The following SNAPC4 variants were observed in gnomAD, a reference collection of about 807,000 sequenced individuals.
The protein encoded by SNAPC4 is snRNA-activating protein complex subunit 4.
Under a neutral mutation model 151.3 loss-of-function variants are expected in SNAPC4, and 127 were observed. The ratio of observed to expected loss-of-function variants is 0.84; its 90% CI spans 0.73 to 0.97. The LOEUF is 0.97. SNAPC4 is among the 50% of genes least tolerant of loss of function. The pLI is 0.00. For synonymous variants in SNAPC4, 1,002 were observed against 824.4 expected, an observed-to-expected ratio of 1.22 and a Z score of -3.69; for missense variants, 2,186 against 1,935.0, an observed-to-expected ratio of 1.13 and a Z score of -2.43.
At chr9:136,389,030 G>A (rs1833982852) in intron 10 of SNAPC4, among the ~76,000 whole-genome samples, 1 of 152,174 alleles carries the variant, frequency 6.6e-6, no homozygotes, top group African/African-American at 2.4e-5. Flanking sequence ...TAAGGGGTAT[G>A]GGGTGGAGGA....
Position 136,388,562 on chromosome 9 carries a change from C to T in SNAPC4, c.1005G>A (p.Gln335=). 6.2e-7 allele frequency: 1 copy of T among 1,614,100 alleles called. No individual in the cohort carries two copies. Among genetic ancestry groups the T allele is most frequent in the Non-Finnish European group, 8.5e-7 (1 of 1,180,028 alleles). ...GAGCTTTGTTGTGCTGCTGGAATTTCTGCAGGCACTGGAAGGCGCTGCGGC... is the reference window on the plus strand; with the variant it reads ...GAGCTTTGTTGTGCTGCTGGAATTTTTGCAGGCACTGGAAGGCGCTGCGGC... ...GTSRSAFQCL[Q]KFQQHNKALK... Residue 335 remains glutamine, a synonymous_variant, in exon 11 of 24, where the codon CAG becomes CAA. Coordinates refer to ENST00000684778, the MANE Select transcript of SNAPC4 (RefSeq NM_003086.4).
Position 136,391,925 on chromosome 9 carries a change from C to T in SNAPC4, c.975+17G>A, listed in dbSNP as rs747369120. The T allele has an allele frequency of 3.8e-6, 6 of 1,598,218 alleles. No individual in the cohort carries two copies. Among genetic ancestry groups the T allele is most frequent in the Non-Finnish European group, 5.1e-6 (6 of 1,178,860 alleles). On this transcript the variant is annotated intron_variant, in intron 10 of 23. Transcript: ENST00000684778. ...CCTCAGGTCTCCTGGCCCCTGGGGT[C>T]CAGGCCAGGCCCTTACCCCCAGCTC...
Position 136,383,681 on chromosome 9 carries a change from A to G in SNAPC4, c.1501-13T>C. 1.9e-6 allele frequency: 3 copies of G among 1,591,160 alleles called. No homozygotes were observed. The highest frequency in any genetic ancestry group is 2.6e-6 in the Non-Finnish European group (3 of 1,168,022). ...GACCCTGCTTCTTCTGAGGGGAGGA[A>G]AGAGCTACTTAGAGGCCTTGGCAAG... is the stretch of plus-strand genomic sequence containing the variant. On this transcript the variant is annotated splice_polypyrimidine_tract_variant and intron_variant, in intron 15 of 23. Transcript: ENST00000684778. The surrounding 1 kb of genome is among the most constrained non-coding windows in gnomAD (Gnocchi z 4.2).
intron 10 of SNAPC4, 79 bp from the exon 11 acceptor site, chr9:136,388,670 A>C: frequency 6.4e-7 from 1 of 1,570,688 alleles, no homozygotes; most frequent in Non-Finnish European, 8.7e-7. Flanking sequence ...GCCCCAGGGC[A>C]CAGGTGGGCC....
At position 136,377,592 on chromosome 9, in the gene SNAPC4, G is replaced by C. The variant is rs760374521; in HGVS notation, c.4235C>G (p.Ala1412Gly). 2.4e-5 allele frequency: 37 copies of C among 1,531,256 alleles called. No individual in the cohort carries two copies. Among genetic ancestry groups the C allele is most frequent in the Non-Finnish European group, 3.1e-5 (35 of 1,136,900 alleles). The allele number at this position is 1,531,256 out of a possible 1,614,324, so 94.9% of individuals were successfully genotyped here. ...GCAGCCCGGCTGCCCGTCCCTGTCTGCAAGTTCCAGCTCACTCAGGAGGTC... is the reference window on the plus strand; with the variant it reads ...GCAGCCCGGCTGCCCGTCCCTGTCTCCAAGTTCCAGCTCACTCAGGAGGTC... ...DEDLLSELEL[A>G]DRDGQPGCTT... The change falls in exon 22 of 24, where the codon GCA (alanine) becomes GGA (glycine). Residue 1412 changes from alanine (A) to glycine (G), a missense_variant. Physicochemically the swap from Ala to Gly is moderately conservative, Grantham distance 60. Transcript: ENST00000684778.
At position 136,379,125 on chromosome 9, in the gene SNAPC4, CGCTTCTCCTGAAGCA is replaced by C. The variant is rs1171518063; in HGVS notation, c.2687_2701del (p.Leu896_Lys900del). 1 of 1,565,272 alleles carries C rather than the reference CGCTTCTCCTGAAGCA, an allele frequency of 6.4e-7. No individual in the cohort carries two copies. The highest frequency in any genetic ancestry group is 1.3e-5 in the African/African-American group (1 of 74,266). On this transcript the variant is annotated inframe_deletion, in exon 22 of 24. Coordinates refer to ENST00000684778, the MANE Select transcript of SNAPC4 (RefSeq NM_003086.4). ...CTCCCTGGCACGGGCCTCCTGAAGCCGCTTCTCCTGAAGCAGCTCCGACACAGTCTTGGGCTTGGG... is the reference window on the plus strand; with the variant it reads ...CTCCCTGGCACGGGCCTCCTGAAGCCGCTCCGACACAGTCTTGGGCTTGGG...
intron 7 of SNAPC4, 46 bp downstream of exon 7, chr9:136,394,203 T>C: frequency 6.8e-7 from 1 of 1,477,288 alleles, no homozygotes; most frequent in Non-Finnish European, 9.5e-7. Context: ...GCATGAGCCC[T>C]ATGCCCAGCC....
rs1327468801 is a variant in SNAPC4, at chr9:136,398,377, C to T, written c.52G>A (p.Glu18Lys). ...GAGGAGCCGGGATCCAAAATCCTTT[C>T]CAGCTCCTTGATCTCCTGTGTTATC... ...EKITQEIKELERILDPGSSGS... is the reference protein window; with the variant it reads ...EKITQEIKELKRILDPGSSGS... The change falls in exon 2 of 24, where the codon GAA becomes AAA. Residue 18 changes from glutamate to lysine, a missense_variant. Physicochemically the swap from Glu to Lys is moderately conservative, Grantham distance 56 (BLOSUM62 1). Coordinates refer to ENST00000684778, the MANE Select transcript of SNAPC4 (RefSeq NM_003086.4). The T allele has an allele frequency of 5.6e-6, 9 of 1,614,020 alleles. No individual in the cohort carries two copies. Among genetic ancestry groups the T allele is most frequent in the Non-Finnish European group, 7.6e-6 (9 of 1,179,940 alleles).
In SNAPC4 at chr9:136,398,446, A is replaced by C. The variant is rs745498325; in HGVS notation, c.-9-9T>G. On this transcript the variant is annotated splice_polypyrimidine_tract_variant and intron_variant, in intron 1 of 23. Coordinates refer to ENST00000684778, the MANE Select transcript of SNAPC4 (RefSeq NM_003086.4). Reference sequence around the variant, plus strand: ...ACATCCATGACTCCCGCCTGCCTCCAAAACACACCCCGAGATGTTAGAAAC... The same window carrying C: ...ACATCCATGACTCCCGCCTGCCTCCCAAACACACCCCGAGATGTTAGAAAC... 8.7e-6 allele frequency: 14 copies of C among 1,609,382 alleles called. No individual in the cohort carries two copies. Among genetic ancestry groups the C allele is most frequent in the Non-Finnish European group, 1.2e-5 (14 of 1,176,250 alleles).
At chr9:136,397,045 C>A (rs1834298372) in intron 2 of SNAPC4, 22 bp from the exon 3 acceptor site, 1 of 1,610,118 alleles carries the variant, frequency 6.2e-7, no homozygotes, top group Admixed American at 1.7e-5. Context: ...ACAAGCAACA[C>A]CGTGTTGGTA....
chr9:136,377,324 CTT>C (rs1833484629), intron 22 of SNAPC4, among the ~76,000 whole-genome samples: 1 of 152,220 alleles, frequency 6.6e-6, no homozygotes, highest in South Asian at 2.1e-4. Flanking sequence ...TGAGGCCTCT[CTT>C]CTCCCCTTTT....
At position 136,378,851 on chromosome 9, in the gene SNAPC4, G is replaced by A; in HGVS notation, c.2976C>T (p.Val992=). Residue 992 remains valine (V), a synonymous_variant, in exon 22 of 24, where the codon GTC becomes GTT. Coordinates refer to ENST00000684778, the MANE Select transcript of SNAPC4 (RefSeq NM_003086.4). ...GGGCTGTGCCCTCGGCCTCTGAGAA[G>A]ACAGGAGCGAGGGGCAGGGCTTGCA... ...STMQALPLAP[V]FSEAEGTAPA... 4 of 1,608,602 alleles carry A rather than the reference G, an allele frequency of 2.5e-6. No homozygotes were observed. Among genetic ancestry groups the A allele is most frequent in the East Asian group, 4.5e-5 (2 of 44,768 alleles).
chr9:136,388,414 C>A, intron 11 of SNAPC4, 30 bp downstream of exon 11: 1 of 1,605,752 alleles, frequency 6.2e-7, no homozygotes. Context: ...CTGTGACAGC[C>A]TGAGAGCCGT....
intron 21 of SNAPC4, 140 bp from the exon 22 acceptor site, chr9:136,379,439 T>C: frequency 4.4e-6 from 6 of 1,367,028 alleles, no homozygotes; most frequent in Non-Finnish European, 5.9e-6. Flanking sequence ...CGGCACATCC[T>C]GGGTCTCCCA....
Position 136,381,887 on chromosome 9 carries a change from C to G in SNAPC4, c.2254G>C (p.Val752Leu). 6.2e-7 allele frequency: 1 copy of G among 1,612,958 alleles called. No individual in the cohort carries two copies. Among genetic ancestry groups the G allele is most frequent in the East Asian group, 2.2e-5 (1 of 44,880 alleles). ...RRLLLAVTPW[V>L]GDVVVPCTQA... ...GTGCAGGGCACGACAACGTCCCCTA[C>G]CCAAGGGGTCACAGCCAGCAGCAGC... The change falls in exon 18 of 24, where the codon GTA (valine) becomes CTA (leucine). Residue 752 changes from valine (V) to leucine (L), a missense_variant. Coordinates refer to ENST00000684778, the MANE Select transcript of SNAPC4 (RefSeq NM_003086.4).
chr9:136,377,250 T>G (rs989810540), intron 22 of SNAPC4, among the ~76,000 whole-genome samples: 1 of 152,072 alleles, frequency 6.6e-6, no homozygotes, highest in Non-Finnish European at 1.5e-5. Context: ...TCCCAGAGCT[T>G]CTCGCTCAGA....
At chr9:136,394,137 T>A in intron 7 of SNAPC4, 112 bp downstream of exon 7, 1 of 874,536 alleles carries the variant, frequency 1.1e-6, no homozygotes, top group South Asian at 1.3e-5. Flanking sequence ...AGGCTGGGCT[T>A]GAACTGGGTT....
At chr9:136,393,746 C>T (rs948402887) in intron 7 of SNAPC4, among the ~76,000 whole-genome samples, 6 of 152,220 alleles carry the variant, frequency 3.9e-5, no homozygotes, top group Non-Finnish European at 8.8e-5. Flanking sequence ...TGCGCTTAGC[C>T]GCCCGCCCGG....
Position 136,383,581 on chromosome 9 carries a change from T to C in SNAPC4, c.1588A>G (p.Ser530Gly). The C allele has an allele frequency of 6.2e-7, 1 of 1,609,496 alleles. No individual in the cohort carries two copies. The highest frequency in any genetic ancestry group is 8.5e-7 in the Non-Finnish European group (1 of 1,178,112). The stretch of plus-strand genomic sequence containing the variant: ...CTGCTGCTGCTGCTCCCTCCACTGC[T>C]GCCACTGCTGCTGCCGCTGCTGCTG... The part of the protein sequence containing the change: ...STSSSGSSSG[S>G]SGGSSSSSSS... Residue 530 changes from serine to glycine, a missense_variant, in exon 16 of 24, where the codon AGC becomes GGC. Coordinates refer to ENST00000684778, the MANE Select transcript of SNAPC4 (RefSeq NM_003086.4). The surrounding 1 kb of genome is among the most constrained non-coding windows in gnomAD (Gnocchi z 4.2).
Sources: allele counts gnomAD v4.1 joint callset (sites outside exome capture counted in the v4.1 genomes callset), GRCh38; gene constraint gnomAD v4.1.1; non-coding constraint Gnocchi (gnomAD v3.1); transcripts MANE v1.5; gene names NCBI Gene and HGNC (gene_info 2026-07-23, HGNC 2026-07-21).